Variants in GREB1L observed in about 807,000 individuals in gnomAD.
GREB1L encodes the protein GREB1 like retinoic acid receptor coactivator.
GREB1L carries 17 observed loss-of-function variants against 200.8 expected under a neutral mutation model. The ratio of observed to expected loss-of-function variants is 0.08; its 90% CI spans 0.06 to 0.13. GREB1L has a LOEUF of 0.13. Among genes scored for constraint, GREB1L ranks in the 10% least tolerant of loss-of-function variants. The pLI is 1.00. For synonymous variants in GREB1L, 789 were observed against 893.0 expected (o/e 0.88, Z 2.08); for missense variants, 1,657 against 2,367.7 (o/e 0.70, Z 6.23).
At chr18:21,372,268 C>T (rs919024479) in intron 2 of GREB1L, among the ~76,000 whole-genome samples, 4 of 151,510 alleles carry the variant, frequency 2.6e-5, no homozygotes, top group African/African-American at 9.7e-5. Flanking sequence ...CTGCCTCAGT[C>T]TCCCAAGTAG....
intron 1 of GREB1L, among the ~76,000 whole-genome samples, chr18:21,342,001 T>G (rs1203783732): frequency 6.6e-6 from 1 of 152,138 alleles, no homozygotes; most frequent in Non-Finnish European, 1.5e-5. Context: ...AGAAATTAAT[T>G]TCCTGAAAAT....
chr18:21,460,412 C>T (rs1344190568), intron 15 of GREB1L, among the ~76,000 whole-genome samples: 1 of 152,148 alleles, frequency 6.6e-6, no homozygotes, highest in African/African-American at 2.4e-5. Flanking sequence ...ATGGCACAGA[C>T]TTGGCTCACT....
chr18:21,449,684 A>T lies in GREB1L; in HGVS notation c.1568A>T (p.His523Leu). The change falls in exon 12 of 33, where the codon CAT becomes CTT. Residue 523 changes from histidine to leucine, a missense_variant. Physicochemically the swap from His to Leu is moderately conservative, Grantham distance 99. Around this residue, in one of 9 missense-constraint regions of GREB1L, gnomAD observed 289 missense variants for 345.1 expected, o/e 0.84. Coordinates refer to ENST00000424526, the MANE Select transcript of GREB1L (RefSeq NM_001142966.3). Reference protein sequence around the residue: ...LIASVSQDLVHVVVTQNSLAE... With the variant: ...LIASVSQDLVLVVVTQNSLAE... ...GCCAGCGTATCTCAAGACTTGGTTC[A>T]TGTGGTTGTGACCCAGAACTCTTTG... 1 of 1,551,678 alleles carries T rather than the reference A, an allele frequency of 6.4e-7. No individual in the cohort carries two copies. The highest frequency in any genetic ancestry group is 8.7e-7 in the Non-Finnish European group (1 of 1,146,982).
At chr18:21,518,315 CT>C (rs2037494657) in intron 31 of GREB1L, 81 bp downstream of exon 31, 1 of 1,319,802 alleles carries the variant, frequency 7.6e-7, no homozygotes, top group Non-Finnish European at 1.0e-6. Flanking sequence ...AAAAAGGAGC[CT>C]GTGACATGAA....
rs1555646354 is a variant in GREB1L at position 21,432,710 on chromosome 18, T to TTC, written c.833-6810_833-6809insCT. ...TTTAACATTTTCTTTTTTTTCTTTT[T>TTC]TTTTTTTTTTTTTTGAGACAGTGTC... On this transcript the variant is annotated intron_variant, in intron 7 of 32. Transcript: ENST00000424526. Among the ~76,000 whole-genome samples the TTC allele has an allele frequency of 5.7e-5, 8 of 139,652 alleles. No homozygotes were observed. In the East Asian group the frequency reaches 1.0e-3, roughly 17 times the overall value. 91.6% of individuals were successfully genotyped at this position (139,652 alleles called of 152,430 possible). A position where few individuals can be genotyped will look rare whatever the true frequency, so the allele number is the denominator to read the frequency against.
At chr18:21,309,034 T>TG (rs1172446993) in intron 1 of GREB1L, among the ~76,000 whole-genome samples, 4 of 152,256 alleles carry the variant, frequency 2.6e-5, no homozygotes, top group Non-Finnish European at 5.9e-5. Context: ...GAAGCCCTTC[T>TG]GGGCAGATGG....
At chr18:21,335,211 T>A (rs1290477555) in intron 1 of GREB1L, among the ~76,000 whole-genome samples, 3 of 152,234 alleles carry the variant, frequency 2.0e-5, no homozygotes. Flanking sequence ...TAAACGTTTT[T>A]TAAATGACTG....
At chr18:21,359,026 A>G (rs891671190) in intron 1 of GREB1L, among the ~76,000 whole-genome samples, 15 of 152,180 alleles carry the variant, frequency 9.9e-5, no homozygotes, top group African/African-American at 3.1e-4. Context: ...TTCAATCTAG[A>G]AGTGTATTAC....
intron 7 of GREB1L, among the ~76,000 whole-genome samples, chr18:21,432,918 G>A (rs755426055): frequency 6.6e-6 from 1 of 151,726 alleles, no homozygotes; most frequent in African/African-American, 2.4e-5. Context: ...TGTTGGCCAG[G>A]CTGGTCTTGA....
chr18:21,383,677 TAAGTTTCTC>T lies in GREB1L; in HGVS notation c.157+5_157+13del. ...ACCAGCATCCTTTCTCATCTGCAGG[TAAGTTTCTC>T]AATCACACACATTTCTGGATTCTTT... On this transcript the variant is annotated splice_donor_5th_base_variant and intron_variant, in intron 3 of 32. Coordinates refer to ENST00000424526, the MANE Select transcript of GREB1L (RefSeq NM_001142966.3). 1 of 1,548,772 alleles carries T rather than the reference TAAGTTTCTC, an allele frequency of 6.5e-7. No individual in the cohort carries two copies. The highest frequency in any genetic ancestry group is 1.2e-5 in the South Asian group (1 of 83,180).
At chr18:21,359,449 C>CA (rs1173906075) in intron 1 of GREB1L, among the ~76,000 whole-genome samples, 24 of 149,724 alleles carry the variant, frequency 1.6e-4, no homozygotes, top group African/African-American at 3.4e-4. Flanking sequence ...GACTCCATCT[C>CA]AAAAAAAAAT....
chr18:21,307,913 A>T (rs560514526), intron 1 of GREB1L, among the ~76,000 whole-genome samples: 1 of 152,296 alleles, frequency 6.6e-6, no homozygotes, highest in South Asian at 2.1e-4. Context: ...CTTTTCCTCC[A>T]GGAGTGGTAA....
chr18:21,357,245 G>T (rs1285047833), intron 1 of GREB1L, among the ~76,000 whole-genome samples: 1 of 152,110 alleles, frequency 6.6e-6, no homozygotes, highest in Admixed American at 6.5e-5. Flanking sequence ...GTAGAGACAG[G>T]GTTTCACCAT....
chr18:21,374,837 T>A (rs1406321308), intron 2 of GREB1L, among the ~76,000 whole-genome samples: 1 of 150,296 alleles, frequency 6.7e-6, no homozygotes, highest in Non-Finnish European at 1.5e-5. Context: ...AAAGGGGAAC[T>A]TTTTTCCTTT....
At chr18:21,389,396 G>T (rs1598741432) in intron 4 of GREB1L, among the ~76,000 whole-genome samples, 4 of 84,764 alleles carry the variant, frequency 4.7e-5, no homozygotes, top group Non-Finnish European at 7.7e-5. Context: ...GGAACCTCTT[G>T]ACTTTTTTTT....
intron 1 of GREB1L, among the ~76,000 whole-genome samples, chr18:21,337,152 A>C (rs1352983070): frequency 6.6e-6 from 1 of 152,214 alleles, no homozygotes; most frequent in Non-Finnish European, 1.5e-5. Flanking sequence ...AAGCTTGGTT[A>C]AAAGCCATTT....
intron 7 of GREB1L, among the ~76,000 whole-genome samples, chr18:21,410,299 G>A (rs1220798983): frequency 6.6e-6 from 1 of 151,958 alleles, no homozygotes; most frequent in African/African-American, 2.4e-5. Flanking sequence ...CTCTTCCTCT[G>A]TAGAAAAATA....
intron 19 of GREB1L, among the ~76,000 whole-genome samples, chr18:21,493,368 A>G (rs1184804147): frequency 6.6e-6 from 1 of 152,122 alleles, no homozygotes; most frequent in Non-Finnish European, 1.5e-5. Context: ...TAAGCCTTGT[A>G]TTATCCTTGA....
rs116887099 is a variant in GREB1L, at chr18:21,441,501, C to T, written c.1171C>T (p.Leu391=). ...GETVIVPENL[L]SNSGVRPVIL... Reference sequence around the variant, plus strand: ...AACTGTAATTGTTCCTGAAAACCTGCTGAGTAACTCAGGAGTTAGACCAGT... The same window carrying T: ...AACTGTAATTGTTCCTGAAAACCTGTTGAGTAACTCAGGAGTTAGACCAGT... The change falls in exon 10 of 33, where the codon CTG becomes TTG. Residue 391 remains leucine, a synonymous_variant. Coordinates refer to ENST00000424526, the MANE Select transcript of GREB1L (RefSeq NM_001142966.3). 5.2e-6 allele frequency: 8 copies of T among 1,551,464 alleles called. No homozygotes were observed. The highest frequency in any genetic ancestry group is 7.0e-6 in the Non-Finnish European group (8 of 1,146,664).
Sources: gnomAD v4.1 joint callset for allele counts (sites outside exome capture counted in the v4.1 genomes callset) on GRCh38, gnomAD v4.1.1 for gene constraint, gnomAD v4.1.1 regional missense constraint, MANE v1.5 for transcripts, NCBI Gene and HGNC (gene_info 2026-07-23, HGNC 2026-07-21) for gene names.